The following LYRM4 variants were observed in gnomAD, a reference collection of about 807,000 sequenced individuals.
The protein encoded by LYRM4 is LYR motif containing 4.
Under a neutral mutation model 11.7 loss-of-function variants are expected in LYRM4, and 9 were observed. The observed-to-expected ratio is 0.77, with a 90% CI of 0.46 to 1.34. The LOEUF (loss-of-function observed/expected upper bound fraction) is 1.34, where lower values mean the gene tolerates loss of function less well. Among genes scored for constraint, LYRM4 ranks in the 40% most tolerant of loss-of-function variants. The pLI is 0.00. For missense variants in LYRM4, 133 were observed against 112.5 expected, an observed-to-expected ratio of 1.18 and a Z score of -0.82; for synonymous variants, 42 against 40.4, an observed-to-expected ratio of 1.04 and a Z score of -0.15.
chr6:5,245,537 C>G (rs1300907326), intron 1 of LYRM4, among the ~76,000 whole-genome samples: 1 of 152,080 alleles, frequency 6.6e-6, no homozygotes, highest in Non-Finnish European at 1.5e-5. Context: ...CATACGGTGT[C>G]TGGAAGACAA....
the LYRM4 span, chr6:5,085,921 A>C: frequency 6.5e-7 from 1 of 1,529,828 alleles, no homozygotes; most frequent in African/African-American, 1.4e-5. Context: ...GGCCAGCGTG[A>C]AGCACTTCAG....
At chr6:5,213,799 C>T (rs1241969119) in intron 2 of LYRM4, among the ~76,000 whole-genome samples, 1 of 152,202 alleles carries the variant, frequency 6.6e-6, no homozygotes, top group East Asian at 1.9e-4. Flanking sequence ...TACTAAGAGC[C>T]AGCTCTATGT....
the LYRM4 span, among the ~76,000 whole-genome samples, chr6:5,074,396 A>ATTTT: frequency 2.1e-5 from 2 of 93,984 alleles, no homozygotes; most frequent in Non-Finnish European, 4.1e-5. Context: ...AAGCACAGGT[A>ATTTT]CTTTTTTTTT....
intron 2 of LYRM4, among the ~76,000 whole-genome samples, chr6:5,160,035 G>A (rs1479908787): frequency 6.6e-6 from 1 of 152,118 alleles, no homozygotes; most frequent in East Asian, 1.9e-4. Flanking sequence ...CAATGCAGAA[G>A]CAGTTCGAGG....
At chr6:5,228,207 C>T (rs982270998) in intron 1 of LYRM4, among the ~76,000 whole-genome samples, 2 of 152,160 alleles carry the variant, frequency 1.3e-5, no homozygotes, top group African/African-American at 4.8e-5. Flanking sequence ...GGCAGAAAAA[C>T]CCCCTAAATT....
At chr6:5,163,494 C>T (rs369240177) in intron 2 of LYRM4, among the ~76,000 whole-genome samples, 1 of 150,444 alleles carries the variant, frequency 6.6e-6, no homozygotes. Flanking sequence ...CAGAAGCATT[C>T]CAACTTTTTT....
the LYRM4 span, among the ~76,000 whole-genome samples, chr6:5,082,014 C>T: frequency 6.6e-6 from 1 of 152,204 alleles, no homozygotes; most frequent in African/African-American, 2.4e-5. Context: ...ATGCCCATCG[C>T]ACACTCTGTC....
chr6:5,185,302 A>G (rs887628320), intron 2 of LYRM4, among the ~76,000 whole-genome samples: 2 of 152,194 alleles, frequency 1.3e-5, no homozygotes, highest in African/African-American at 2.4e-5. Flanking sequence ...GGAAAGACAG[A>G]AAGCTGGCTA....
At chr6:5,157,913 TCTGCACTGTCGGCAGGCC>T (rs1218669566) in intron 2 of LYRM4, among the ~76,000 whole-genome samples, 1 of 152,238 alleles carries the variant, frequency 6.6e-6, no homozygotes, top group Non-Finnish European at 1.5e-5. Context: ...AGCAGCCGCC[TCTGCACTGTCGGCAGGCC>T]CTGCTGCCAT....
intron 2 of LYRM4, among the ~76,000 whole-genome samples, chr6:5,206,530 T>A (rs1304623163): frequency 1.1e-4 from 17 of 152,224 alleles, no homozygotes; most frequent in Non-Finnish European, 2.9e-5. Flanking sequence ...ATTCTTGTGC[T>A]ATAAGGGATC....
At chr6:5,113,739 T>C (rs1292439212) in intron 2 of LYRM4, among the ~76,000 whole-genome samples, 41 of 147,610 alleles carry the variant, frequency 2.8e-4, no homozygotes, top group Non-Finnish European at 5.9e-4. Context: ...CTCTCTCTTT[T>C]TTTTTTTTTT....
At chr6:5,040,352 G>GATAGATAGATACATACATAC in the LYRM4 span, among the ~76,000 whole-genome samples, 29 of 130,194 alleles carry the variant, frequency 2.2e-4, no homozygotes, top group East Asian at 1.0e-3. Context: ...TAGATAGATA[G>GATAGATAGATACATACATAC]ATACATACAT....
chr6:5,149,336 G>A (rs192576771), intron 2 of LYRM4, among the ~76,000 whole-genome samples: 9 of 152,250 alleles, frequency 5.9e-5, no homozygotes, highest in Admixed American at 5.2e-4. Context: ...GTATTTTATG[G>A]CATCAGCTCA....
the LYRM4 span, among the ~76,000 whole-genome samples, chr6:5,065,478 T>G: frequency 1.3e-5 from 2 of 152,230 alleles, no homozygotes; most frequent in Admixed American, 6.5e-5. Context: ...ATGTACAGAC[T>G]CTTGCTCCTC....
At chr6:5,142,219 T>A (rs1179615805) in intron 2 of LYRM4, among the ~76,000 whole-genome samples, 1 of 152,026 alleles carries the variant, frequency 6.6e-6, no homozygotes, top group East Asian at 1.9e-4. Flanking sequence ...GTAGAGAAAA[T>A]ATGGCTTCTG....
intron 2 of LYRM4, among the ~76,000 whole-genome samples, chr6:5,181,557 C>G (rs1293206268): frequency 6.6e-6 from 1 of 152,210 alleles, no homozygotes; most frequent in East Asian, 1.9e-4. Flanking sequence ...TGTGTCCTCT[C>G]CTCCTCTTCA....
chr6:5,239,859 A>G (rs1355166529), intron 1 of LYRM4, among the ~76,000 whole-genome samples: 1 of 152,150 alleles, frequency 6.6e-6, no homozygotes, highest in Admixed American at 6.5e-5. Context: ...GTCCCTGAGC[A>G]TAGGCCCTTA....
the LYRM4 span, chr6:5,085,983 C>G: frequency 6.6e-7 from 1 of 1,526,598 alleles, no homozygotes; most frequent in Non-Finnish European, 8.7e-7. Flanking sequence ...GCCTCCGAAG[C>G]TTCCCTATGC....
At chr6:5,195,055 C>T (rs567965857) in intron 2 of LYRM4, among the ~76,000 whole-genome samples, 3 of 152,294 alleles carry the variant, frequency 2.0e-5, no homozygotes, top group Admixed American at 2.0e-4. Flanking sequence ...AAAAATTATG[C>T]ATATGTGTTC....
Sources: gnomAD v4.1 joint callset for allele counts (sites outside exome capture counted in the v4.1 genomes callset) on GRCh38, gnomAD v4.1.1 for gene constraint, MANE v1.5 for transcripts, NCBI Gene and HGNC (gene_info 2026-07-23, HGNC 2026-07-21) for gene names.